The following CCDC191 variants were observed in gnomAD, a reference collection of about 807,000 sequenced individuals.
CCDC191 encodes coiled-coil domain-containing protein 191.
In CCDC191, 99 loss-of-function variants were observed where a neutral mutation model predicts 114.0. The observed-to-expected ratio is 0.87, with a 90% CI of 0.74 to 1.03. CCDC191 has a LOEUF of 1.03. Among genes scored for constraint, CCDC191 ranks in the 50% least tolerant of loss-of-function variants. The pLI is 0.00. For missense variants in CCDC191, 973 were observed against 1,087.0 expected (o/e 0.90, Z 1.47); for synonymous variants, 351 against 376.0 (o/e 0.93, Z 0.77).
intron 16 of CCDC191, among the ~76,000 whole-genome samples, chr3:113,973,541 C>T (rs1281546786): frequency 6.6e-6 from 1 of 150,416 alleles, no homozygotes; most frequent in Non-Finnish European, 1.5e-5. Flanking sequence ...AAAACTTTCT[C>T]TATCCTTCAT....
Position 114,039,134 on chromosome 3 carries a change from GATA to G in CCDC191, c.416-2351_416-2349del, listed in dbSNP as rs1302933686. ...TATACAATACATAATACTTGATAAT[GATA>G]ATAACAACTATGTTACTGGTTTATG... On this transcript the variant is annotated intron_variant, in intron 4 of 16. Coordinates refer to ENST00000295878, the MANE Select transcript of CCDC191 (RefSeq NM_020817.2). Among the ~76,000 whole-genome samples the G allele has an allele frequency of 1.9e-4, 29 of 152,138 alleles. 1 individual carries two copies. In the East Asian group the frequency reaches 4.0e-3, roughly 21 times the overall value.
chr3:114,047,185 C>A, intron 2 of CCDC191: 1 of 843,704 alleles, frequency 1.2e-6, no homozygotes, highest in Non-Finnish European at 1.4e-6. Flanking sequence ...TCATATTAGG[C>A]AATCATATAT....
chr3:114,043,187 T>C (rs888805836), intron 3 of CCDC191, among the ~76,000 whole-genome samples: 2 of 152,000 alleles, frequency 1.3e-5, no homozygotes, highest in Non-Finnish European at 2.9e-5. Flanking sequence ...GAAGTGAGGA[T>C]CTATAAGGTA....
At chr3:114,010,488 G>C (rs933103216) in intron 9 of CCDC191, among the ~76,000 whole-genome samples, 1 of 152,162 alleles carries the variant, frequency 6.6e-6, no homozygotes, top group Admixed American at 6.5e-5. Flanking sequence ...AAGAGTTATA[G>C]ACAGTGCTTT....
At chr3:114,051,856 A>C (rs1038860040) in intron 2 of CCDC191, among the ~76,000 whole-genome samples, 1 of 152,248 alleles carries the variant, frequency 6.6e-6, no homozygotes, top group African/African-American at 2.4e-5. Context: ...GTGAACAAGG[A>C]AGTATTAGAA....
At chr3:114,011,758 T>C (rs2076073842) in intron 8 of CCDC191, among the ~76,000 whole-genome samples, 1 of 152,168 alleles carries the variant, frequency 6.6e-6, no homozygotes, top group African/African-American at 2.4e-5. Flanking sequence ...GGAATATGAC[T>C]GAGGGGAGGT....
chr3:113,980,946 A>G (rs1295085529), intron 13 of CCDC191, among the ~76,000 whole-genome samples, 153 bp from the exon 14 acceptor site: 2 of 152,234 alleles, frequency 1.3e-5, no homozygotes, highest in Admixed American at 6.5e-5. Context: ...TTTCTTTAAA[A>G]AAAAGGAAAT....
At chr3:114,052,786 T>C (rs2076713566) in intron 2 of CCDC191, among the ~76,000 whole-genome samples, 1 of 152,214 alleles carries the variant, frequency 6.6e-6, no homozygotes, top group Non-Finnish European at 1.5e-5. Flanking sequence ...TAGGATCTAT[T>C]ATATCTATCT....
intron 4 of CCDC191, chr3:114,039,253 C>T (rs2076528944): frequency 6.6e-6 from 1 of 152,014 alleles, no homozygotes; most frequent in Non-Finnish European, 1.5e-5. Flanking sequence ...CACCTGTAAT[C>T]CCACCACTCT....
intron 13 of CCDC191, among the ~76,000 whole-genome samples, chr3:113,998,722 C>T (rs1038245228): frequency 1.3e-5 from 2 of 152,166 alleles, no homozygotes; most frequent in African/African-American, 4.8e-5. Flanking sequence ...GAGCTGCTTC[C>T]ATTAAGGAAG....
At chr3:114,049,407 A>T (rs541040927) in intron 2 of CCDC191, among the ~76,000 whole-genome samples, 4 of 152,372 alleles carry the variant, frequency 2.6e-5, no homozygotes, top group Non-Finnish European at 4.4e-5. Flanking sequence ...GCACATATGT[A>T]AATAACGTAC....
chr3:114,035,378 C>A (rs1193018955), intron 5 of CCDC191, among the ~76,000 whole-genome samples: 1 of 152,098 alleles, frequency 6.6e-6, no homozygotes, highest in Admixed American at 6.6e-5. Flanking sequence ...TGGGAATGAT[C>A]CACATCACAG....
intron 16 of CCDC191, 36 bp downstream of exon 16, chr3:113,978,150 T>C: frequency 6.2e-7 from 1 of 1,610,440 alleles, no homozygotes; most frequent in Non-Finnish European, 8.5e-7. Flanking sequence ...AATTGTGAAG[T>C]CAGAGAGTGA....
intron 13 of CCDC191, among the ~76,000 whole-genome samples, chr3:113,992,002 TATAA>T (rs1559889373): frequency 6.6e-6 from 1 of 151,956 alleles, no homozygotes; most frequent in East Asian, 1.9e-4. Context: ...AAATCAAAGA[TATAA>T]ATAGAGAAAA....
rs1009507796 is a variant in CCDC191 at position 114,010,789 on chromosome 3, G to A, written c.1396C>T (p.Pro466Ser). 9.9e-6 allele frequency: 16 copies of A among 1,610,842 alleles called. No homozygotes were observed. The highest frequency in any genetic ancestry group is 1.4e-5 in the Non-Finnish European group (16 of 1,178,218). ...CAACGTACCTGTCCATTTTTTACTG[G>A]TGGACCCACCATGGCTGTTGCCTCC... ...PEEATAMVGP[P>S]VKNGQETAVP... Residue 466 changes from proline (P) to serine (S), a missense_variant, in exon 9 of 17, where the codon CCA (proline) becomes TCA (serine). Transcript: ENST00000295878.
intron 13 of CCDC191, among the ~76,000 whole-genome samples, chr3:113,985,374 A>G (rs2075315334): frequency 6.6e-6 from 1 of 152,194 alleles, no homozygotes; most frequent in Non-Finnish European, 1.5e-5. Flanking sequence ...TGCCCAGACA[A>G]GTCCTCCCTA....
In CCDC191 at chr3:114,001,597, T is replaced by C. The variant is rs1236350643; in HGVS notation, c.2161A>G (p.Met721Val). The C allele has an allele frequency of 6.2e-7, 1 of 1,613,488 alleles. No individual in the cohort carries two copies. The highest frequency in any genetic ancestry group is 8.5e-7 in the Non-Finnish European group (1 of 1,179,576). ...CTGACCAAATAGACAATACTAACCA[T>C]TTTCTTCAGTCTCTTCTCTTCTCGT... ...RKREEKRLKK[M>V]KELEKQKRIK... is the part of the protein sequence containing the mutation. The change falls in exon 13 of 17, where the codon ATG (methionine) becomes GTG (valine). Residue 721 changes from methionine (M) to valine (V), a missense_variant and splice_region_variant. Coordinates refer to ENST00000295878, the MANE Select transcript of CCDC191 (RefSeq NM_020817.2).
chr3:114,019,516 A>C lies in CCDC191; in HGVS notation c.973-648T>G, dbSNP rs570812053. On this transcript the variant is annotated intron_variant, in intron 7 of 16. Coordinates refer to ENST00000295878, the MANE Select transcript of CCDC191 (RefSeq NM_020817.2). ...TAAGGATGTCCCCAAAGCAGTACTT[A>C]ACTCATGATCCTAGTCTAAGAAAAT... Among the ~76,000 whole-genome samples, 5 of 152,298 alleles carry C rather than the reference A, an allele frequency of 3.3e-5. No homozygotes were observed. The South Asian group carries it at 1.0e-3, about 32-fold the overall frequency.
chr3:113,983,322 A>G (rs1476743152), intron 13 of CCDC191, among the ~76,000 whole-genome samples: 2 of 152,056 alleles, frequency 1.3e-5, no homozygotes, highest in African/African-American at 4.8e-5. Flanking sequence ...TATCCAGACA[A>G]TCTCCCAAGC....
Sources: allele counts gnomAD v4.1 joint callset (sites outside exome capture counted in the v4.1 genomes callset), GRCh38; gene constraint gnomAD v4.1.1; transcripts MANE v1.5; gene names NCBI Gene and HGNC (gene_info 2026-07-23, HGNC 2026-07-21).